C4orf36: variants seen among roughly 807,000 people sequenced by gnomAD.
C4orf36 encodes uncharacterized protein C4orf36.
Under a neutral mutation model 12.2 loss-of-function variants are expected in C4orf36, and 11 were observed. That is an observed-to-expected ratio of 0.90 (90% CI 0.57 to 1.49). The LOEUF is 1.49. Ranked by LOEUF, C4orf36 falls within the 40% of genes most tolerant of loss-of-function variation. C4orf36 has a pLI of 0.00. For missense variants in C4orf36, 137 were observed against 133.9 expected (o/e 1.02, Z -0.11); for synonymous variants, 54 against 51.3 (o/e 1.05, Z -0.22).
At chr4:86,935,048 G>C in the C4orf36 span, 10 of 151,914 alleles carry the variant, frequency 6.6e-5, no homozygotes, top group African/African-American at 2.2e-4. Flanking sequence ...CGGCCCCTGC[G>C]CACTCGGCCG....
chr4:86,912,511 C>T, the C4orf36 span, among the ~76,000 whole-genome samples: 5,525 of 152,276 alleles, frequency 0.036, 141 homozygotes, highest in South Asian at 0.057. Context: ...AGTAGCTGCA[C>T]CTTCTGCCTC....
the C4orf36 span, among the ~76,000 whole-genome samples, chr4:86,915,714 G>A: frequency 1.3e-5 from 2 of 152,204 alleles, no homozygotes; most frequent in African/African-American, 4.8e-5. Flanking sequence ...TTGAACCCAG[G>A]AGACGGAGGT....
At chr4:86,915,989 A>G in the C4orf36 span, among the ~76,000 whole-genome samples, 3 of 152,310 alleles carry the variant, frequency 2.0e-5, no homozygotes, top group East Asian at 5.8e-4. Flanking sequence ...TGGCCTGATG[A>G]CATTTTGCTT....
chr4:86,879,578 G>A (rs1163840197), intron 4 of C4orf36, among the ~76,000 whole-genome samples: 1 of 152,104 alleles, frequency 6.6e-6, no homozygotes, highest in East Asian at 1.9e-4. Flanking sequence ...TGCATGATGG[G>A]AGACCCAGAA....
chr4:86,901,111 A>G, the C4orf36 span, among the ~76,000 whole-genome samples: 1 of 151,888 alleles, frequency 6.6e-6, no homozygotes, highest in Non-Finnish European at 1.5e-5. Flanking sequence ...CAGCCTCCCA[A>G]GTAGCTGGGG....
At chr4:86,918,315 G>T in the C4orf36 span, among the ~76,000 whole-genome samples, 1 of 152,210 alleles carries the variant, frequency 6.6e-6, no homozygotes, top group African/African-American at 2.4e-5. Context: ...TGACTTGGAA[G>T]ATGCAGTATA....
chr4:86,878,955 A>G (rs1746984137), intron 4 of C4orf36, among the ~76,000 whole-genome samples: 2 of 152,354 alleles, frequency 1.3e-5, no homozygotes, highest in East Asian at 3.9e-4. Context: ...ATGCATTCCC[A>G]GAAAGGTTTG....
chr4:86,900,796 T>G, the C4orf36 span, among the ~76,000 whole-genome samples: 3 of 152,108 alleles, frequency 2.0e-5, no homozygotes, highest in East Asian at 5.8e-4. Context: ...GTCAGATGCA[T>G]GGGCCCTGCT....
chr4:86,903,677 C>G, the C4orf36 span, among the ~76,000 whole-genome samples: 1 of 152,180 alleles, frequency 6.6e-6, no homozygotes. Flanking sequence ...CAAGTTGCCG[C>G]TGCTTGCTCT....
chr4:86,890,073 T>C (rs1560473682), intron 2 of C4orf36: 1 of 453,952 alleles, frequency 2.2e-6, no homozygotes, highest in Non-Finnish European at 4.4e-6. Flanking sequence ...GTGCCTGTGG[T>C]CCCAGCTACT....
chr4:86,898,306 C>T, the C4orf36 span, among the ~76,000 whole-genome samples: 6 of 152,184 alleles, frequency 3.9e-5, no homozygotes, highest in African/African-American at 9.6e-5. Flanking sequence ...ACACAAGAAT[C>T]GCTTGAGCCC....
At chr4:86,880,980 C>T (rs957928428) in intron 4 of C4orf36, among the ~76,000 whole-genome samples, 4 of 149,516 alleles carry the variant, frequency 2.7e-5, no homozygotes, top group Admixed American at 2.0e-4. Flanking sequence ...TTGCAGTGAG[C>T]TGAGATCACA....
the C4orf36 span, among the ~76,000 whole-genome samples, chr4:86,898,976 A>T: frequency 6.6e-6 from 1 of 152,114 alleles, no homozygotes; most frequent in Admixed American, 6.6e-5. Flanking sequence ...CTGTAATCCC[A>T]GCACTTTGGG....
chr4:86,929,470 G>C, the C4orf36 span, among the ~76,000 whole-genome samples: 1 of 152,160 alleles, frequency 6.6e-6, no homozygotes, highest in African/African-American at 2.4e-5. Flanking sequence ...AGGGCCAACA[G>C]AAGAGAAGCT....
chr4:86,895,813 C>T (rs943343195), upstream of C4orf36, among the ~76,000 whole-genome samples: 2 of 152,006 alleles, frequency 1.3e-5, no homozygotes, highest in Non-Finnish European at 2.9e-5. Flanking sequence ...TCATCTTTTT[C>T]CCCCCTGCTT....
the C4orf36 span, among the ~76,000 whole-genome samples, chr4:86,919,149 A>AGAGAGAGAGAGAGAGAGAGAT: frequency 7.1e-6 from 1 of 140,210 alleles, no homozygotes; most frequent in African/African-American, 2.6e-5. Context: ...AGAGAGAGAG[A>AGAGAGAGAGAGAGAGAGAGAT]AATCCTTTTC....
the C4orf36 span, among the ~76,000 whole-genome samples, chr4:86,904,296 C>T: frequency 6.6e-6 from 1 of 152,256 alleles, no homozygotes; most frequent in Non-Finnish European, 1.5e-5. Context: ...TTTCTCTTCA[C>T]ACTTCCCCGC....
At chr4:86,917,506 GAAA>G in the C4orf36 span, among the ~76,000 whole-genome samples, 1 of 142,438 alleles carries the variant, frequency 7.0e-6, no homozygotes, top group African/African-American at 2.6e-5. Flanking sequence ...GAAAGAAAGA[GAAA>G]AAGAAGAAAG....
upstream of C4orf36, among the ~76,000 whole-genome samples, chr4:86,893,454 C>T (rs1238001872): frequency 6.6e-6 from 1 of 152,012 alleles, no homozygotes; most frequent in Admixed American, 6.6e-5. Flanking sequence ...GGCGAGGTGG[C>T]GCGCGCCTGT....
Sources: allele counts gnomAD v4.1 joint callset (sites outside exome capture counted in the v4.1 genomes callset), GRCh38; gene constraint gnomAD v4.1.1; transcripts MANE v1.5; gene names NCBI Gene and HGNC (gene_info 2026-07-23, HGNC 2026-07-21).